The following DLEC1 variants were observed in gnomAD, a reference collection of about 807,000 sequenced individuals.
DLEC1 encodes DLEC1 cilia and flagella associated protein, also known as deleted in lung and esophageal cancer protein 1.
A neutral mutation model predicts 198.1 loss-of-function variants in DLEC1; 146 were observed. The ratio of observed to expected loss-of-function variants is 0.74; its 90% confidence interval spans 0.64 to 0.85. DLEC1 has a LOEUF of 0.85. DLEC1 is among the 40% of genes least tolerant of loss of function. DLEC1 has a pLI of 0.00. For synonymous variants in DLEC1, 897 were observed against 866.8 expected (o/e 1.03, Z -0.61); for missense variants, 2,233 against 2,220.0 (o/e 1.01, Z -0.12).
At chr3:38,087,621 CA>C (rs1467591365) in intron 9 of DLEC1, among the ~76,000 whole-genome samples, 4 of 152,222 alleles carry the variant, frequency 2.6e-5, no homozygotes, top group Non-Finnish European at 4.4e-5. Context: ...TGACACCATC[CA>C]TTAGCATGCT....
chr3:38,103,054 T>C (rs962866943), intron 19 of DLEC1: 3 of 152,216 alleles, frequency 2.0e-5, no homozygotes, highest in Non-Finnish European at 2.9e-5. Context: ...GATTATATAG[T>C]GGTCAAGTCA....
At chr3:38,071,996 C>T (rs1360877006) in intron 6 of DLEC1, among the ~76,000 whole-genome samples, 1 of 152,154 alleles carries the variant, frequency 6.6e-6, no homozygotes, top group Non-Finnish European at 1.5e-5. Context: ...CATAGCCTGC[C>T]TTTGCTGGTG....
chr3:38,077,854 TC>T (rs1204332812), intron 6 of DLEC1, among the ~76,000 whole-genome samples: 3 of 152,260 alleles, frequency 2.0e-5, no homozygotes, highest in East Asian at 1.9e-4. Flanking sequence ...GCCTGAATAA[TC>T]CCTGAGGAGT....
intron 6 of DLEC1, among the ~76,000 whole-genome samples, chr3:38,070,127 G>T (rs993162404): frequency 6.6e-6 from 1 of 152,144 alleles, no homozygotes; most frequent in East Asian, 1.9e-4. Context: ...GGAGGATTAG[G>T]TCTAGACCTT....
At chr3:38,100,195 G>A (rs542415421) in intron 18 of DLEC1, 91 bp from the exon 19 acceptor site, 16 of 1,462,376 alleles carry the variant, frequency 1.1e-5, no homozygotes, top group East Asian at 2.4e-5. Flanking sequence ...GGCAGCTTAG[G>A]AGTGACTTTG....
In DLEC1 at chr3:38,118,124, CA is replaced by C. The variant is rs1182378141; in HGVS notation, c.4704+103del. Reference sequence around the variant, plus strand: ...ACCCTCAGGTGCTTGTACCCAGACGCAAACTGCATGCCTGACCCTGCCATAC... The same window carrying C: ...ACCCTCAGGTGCTTGTACCCAGACGCAACTGCATGCCTGACCCTGCCATAC... On this transcript the variant is annotated intron_variant, in intron 33 of 36. Coordinates refer to ENST00000308059, the MANE Select transcript of DLEC1 (RefSeq NM_007335.4). The C allele has an allele frequency of 2.1e-5, 28 of 1,338,538 alleles. 1 individual carries two copies. In the South Asian group the frequency reaches 3.9e-4, roughly 19 times the overall value. 82.9% of individuals were successfully genotyped at this position (1,338,538 alleles called of 1,614,324 possible).
In DLEC1 at chr3:38,121,723, CCGGG is replaced by C. The variant is rs1700473873; in HGVS notation, c.4963_4966del (p.Glu1656SerfsTer3). ...CCTGCTTTGTGAGCCAGCAGCGAGT[CCGGG>C]AGGTCTACCTGATGAACCTGAGCGG... is the stretch of plus-strand genomic sequence containing the variant. On this transcript the variant is annotated frameshift_variant, in exon 35 of 37. Transcript: ENST00000308059. LOFTEE classifies it high-confidence loss of function. The C allele has an allele frequency of 1.2e-6, 2 of 1,613,954 alleles. No homozygotes were observed. The highest frequency in any genetic ancestry group is 1.3e-5 in the African/African-American group (1 of 74,900).
In DLEC1 at chr3:38,110,237, G is replaced by T; in HGVS notation, c.3399G>T (p.Glu1133Asp). Reference protein sequence around the residue: ...PIRTRFSLKFEYFGSPQNSLS... With the variant: ...PIRTRFSLKFDYFGSPQNSLS... ...GGACCCGTTTCTCCCTCAAGTTTGA[G>T]TATTTCGGGAGCCCCCAAAACAGCC... Residue 1133 changes from glutamate to aspartate, a missense_variant, in exon 23 of 37, where the codon GAG becomes GAT. By Grantham distance (45) the Glu-to-Asp change is conservative (BLOSUM62 2). Transcript: ENST00000308059. 2 of 1,614,150 alleles carry T rather than the reference G, an allele frequency of 1.2e-6. No homozygotes were observed. Among genetic ancestry groups the T allele is most frequent in the Non-Finnish European group, 1.7e-6 (2 of 1,180,016 alleles).
intron 2 of DLEC1, among the ~76,000 whole-genome samples, chr3:38,057,918 G>A (rs1398489381): frequency 1.3e-5 from 2 of 150,546 alleles, no homozygotes; most frequent in South Asian, 2.1e-4. Flanking sequence ...CTGGGTTCAC[G>A]CCATTCTCCT....
rs547241764 is a variant in DLEC1 at position 38,115,176 on chromosome 3, G to T, written c.3856+123G>T. On this transcript the variant is annotated intron_variant, in intron 27 of 36. Coordinates refer to ENST00000308059, the MANE Select transcript of DLEC1 (RefSeq NM_007335.4). ...TGAACAGGACCCAGGTGTCCAGGGG[G>T]CCTGTGGTTACGGAAGTGTGGATGG... The T allele has an allele frequency of 1.1e-5, 12 of 1,048,748 alleles. No individual in the cohort carries two copies. The African/African-American group carries it at 1.7e-4, about 15-fold the overall frequency. 65.0% of individuals were successfully genotyped at this position (1,048,748 alleles called of 1,614,324 possible). A position where few individuals can be genotyped will look rare whatever the true frequency, so the allele number is the denominator to read the frequency against.
intron 13 of DLEC1, chr3:38,095,486 C>T (rs116699342): frequency 1.3e-5 from 4 of 299,578 alleles, no homozygotes; most frequent in South Asian, 9.8e-5. Flanking sequence ...GAAGGGAATT[C>T]GAGCTGGGCA....
At chr3:38,060,046 T>C (rs142348713) in intron 3 of DLEC1, among the ~76,000 whole-genome samples, 194 bp downstream of exon 3, 1 of 152,356 alleles carries the variant, frequency 6.6e-6, no homozygotes, top group East Asian at 1.9e-4. Flanking sequence ...CCCCCGCCTG[T>C]ATGACTGAAG....
chr3:38,057,817 CTTT>C (rs71094945), intron 2 of DLEC1, among the ~76,000 whole-genome samples: 6 of 132,802 alleles, frequency 4.5e-5, no homozygotes, highest in Admixed American at 7.6e-5. Flanking sequence ...TGTATTATTC[CTTT>C]TTTTTTTTTT....
At position 38,072,700 on chromosome 3, in the gene DLEC1, G is replaced by A. The variant is rs1387027360; in HGVS notation, c.1173+8781G>A. ...AGGCGAAAATATCTAACCATGCCTAGGAAGGAAAGGAGTTGTTGTTTTGTA... is the reference window on the plus strand; with the variant it reads ...AGGCGAAAATATCTAACCATGCCTAAGAAGGAAAGGAGTTGTTGTTTTGTA... On this transcript the variant is annotated intron_variant, in intron 6 of 36. Transcript: ENST00000308059. Among the ~76,000 whole-genome samples, 3 of 152,200 alleles carry A rather than the reference G, an allele frequency of 2.0e-5. No individual in the cohort carries two copies. In the East Asian group the frequency reaches 5.8e-4, roughly 29 times the overall value.
intron 6 of DLEC1, among the ~76,000 whole-genome samples, chr3:38,082,058 A>T (rs1220148805): frequency 7.5e-6 from 1 of 133,732 alleles, no homozygotes; most frequent in Admixed American, 7.3e-5. Flanking sequence ...TGCCAGGCAG[A>T]GGGTCTCCTC....
intron 6 of DLEC1, among the ~76,000 whole-genome samples, chr3:38,068,268 C>T (rs1326093098): frequency 1.3e-5 from 2 of 150,616 alleles, no homozygotes; most frequent in East Asian, 2.0e-4. Context: ...CTGGCTCTGT[C>T]GCCCAGGCTG....
chr3:38,123,329 T>C lies in DLEC1; in HGVS notation c.*917T>C, dbSNP rs537430597. On this transcript the variant is annotated 3_prime_UTR_variant, in exon 37 of 37. Coordinates refer to ENST00000308059, the MANE Select transcript of DLEC1 (RefSeq NM_007335.4). ...TAGTATCCCTTTCAAGGCTGGCCCT[T>C]AAGGAAAACAGGGATCATGCCCCTA... 4 of 577,902 alleles carry C rather than the reference T, an allele frequency of 6.9e-6. No individual in the cohort carries two copies. The highest frequency in any genetic ancestry group is 6.0e-5 in the Admixed American group (2 of 33,488). The allele number at this position is 577,902 out of a possible 1,614,324, so 35.8% of individuals were successfully genotyped here. A position where few individuals can be genotyped will look rare whatever the true frequency, so the allele number is the denominator to read the frequency against.
At chr3:38,084,755 C>T (rs888949006) in intron 7 of DLEC1, among the ~76,000 whole-genome samples, 1 of 151,792 alleles carries the variant, frequency 6.6e-6, no homozygotes, top group Non-Finnish European at 1.5e-5. Flanking sequence ...GCTCCACCAG[C>T]AATGTGTCCT....
intron 1 of DLEC1, among the ~76,000 whole-genome samples, chr3:38,042,056 G>A (rs375881161): frequency 2.0e-5 from 3 of 151,818 alleles, no homozygotes; most frequent in African/African-American, 7.3e-5. Context: ...GCAGTGCCAC[G>A]ATCTTGGCTC....
Sources: gnomAD v4.1 joint callset for allele counts (sites outside exome capture counted in the v4.1 genomes callset) on GRCh38, gnomAD v4.1.1 for gene constraint, MANE v1.5 for transcripts, NCBI Gene and HGNC (gene_info 2026-07-23, HGNC 2026-07-21) for gene names.